DOCK8: variants seen among roughly 807,000 people sequenced by gnomAD.
DOCK8 encodes dedicator of cytokinesis protein 8.
In DOCK8, 141 loss-of-function variants were observed where a neutral mutation model predicts 245.6. That is an observed-to-expected ratio of 0.57 (90% CI 0.50 to 0.66). The LOEUF (loss-of-function observed/expected upper bound fraction) is 0.66. Among genes scored for constraint, DOCK8 ranks in the 30% least tolerant of loss-of-function variants. The probability of loss-of-function intolerance (pLI) is 0.00; values close to 1 mark genes in which losing one functional copy is unlikely to be tolerated. For missense variants in DOCK8, 2,965 were observed against 2,603.4 expected, an observed-to-expected ratio of 1.14 and a Z score of -3.02; for synonymous variants, 1,168 against 970.2, an observed-to-expected ratio of 1.20 and a Z score of -3.79.
At chr9:362,450 G>A (rs2052775195) in intron 14 of DOCK8, among the ~76,000 whole-genome samples, 1 of 152,162 alleles carries the variant, frequency 6.6e-6, no homozygotes, top group Non-Finnish European at 1.5e-5. Flanking sequence ...CTTAAAGGGT[G>A]CAGCATCTTC....
intron 23 of DOCK8, 91 bp from the exon 24 acceptor site, chr9:390,380 T>C: frequency 8.3e-7 from 1 of 1,200,718 alleles, no homozygotes; most frequent in African/African-American, 1.5e-5. Flanking sequence ...AACAAGCTAT[T>C]AAATTGGGGG....
At chr9:218,348 A>G (rs2046809784) in intron 1 of DOCK8, among the ~76,000 whole-genome samples, 1 of 152,258 alleles carries the variant, frequency 6.6e-6, no homozygotes, top group African/African-American at 2.4e-5. Flanking sequence ...AGTTCTGACC[A>G]CACCAGTCTC....
intron 11 of DOCK8, among the ~76,000 whole-genome samples, chr9:336,314 G>C (rs752982282): frequency 3.3e-5 from 5 of 152,206 alleles, no homozygotes; most frequent in African/African-American, 1.2e-4. Flanking sequence ...GACTCTTGCC[G>C]GGTGGCATTT....
chr9:440,185 A>G (rs1010693504), intron 40 of DOCK8, among the ~76,000 whole-genome samples: 11 of 151,916 alleles, frequency 7.2e-5, no homozygotes, highest in African/African-American at 2.7e-4. Context: ...CACTCGGCCA[A>G]TTTTTTGTAT....
At chr9:356,648 T>G (rs1009506904) in intron 14 of DOCK8, among the ~76,000 whole-genome samples, 1 of 152,168 alleles carries the variant, frequency 6.6e-6, no homozygotes, top group African/African-American at 2.4e-5. Flanking sequence ...TCCTAGTCAG[T>G]GATTACCCTA....
At chr9:280,168 G>T (rs1198072126) in intron 2 of DOCK8, among the ~76,000 whole-genome samples, 15 of 152,142 alleles carry the variant, frequency 9.9e-5, no homozygotes, top group Admixed American at 9.8e-4. Flanking sequence ...TGAATATTTG[G>T]TTGTGGATAA....
chr9:304,523 A>T, intron 4 of DOCK8, 58 bp from the exon 5 acceptor site: 1 of 1,609,984 alleles, frequency 6.2e-7, no homozygotes, highest in Non-Finnish European at 8.5e-7. Context: ...TTTTAATCTA[A>T]TGGTTTGCCG....
Position 420,446 on chromosome 9 carries a change from C to G in DOCK8, c.3886C>G (p.Leu1296Val). 6.2e-7 allele frequency: 1 copy of G among 1,614,168 alleles called. No individual in the cohort carries two copies. Among genetic ancestry groups the G allele is most frequent in the Non-Finnish European group, 8.5e-7 (1 of 1,180,038 alleles). The change falls in exon 31 of 48, where the codon CTC (leucine) becomes GTC (valine). Residue 1296 changes from leucine to valine, a missense_variant. Coordinates refer to ENST00000432829, the MANE Select transcript of DOCK8 (RefSeq NM_203447.4). ...GCTGAACGCGGACACTACTCGCAAC[C>G]TCATGATCTGCTTCCTCTGGATCAT... is the stretch of plus-strand genomic sequence containing the variant. ...NMLNADTTRNLMICFLWIMKN... is the reference protein window; with the variant it reads ...NMLNADTTRNVMICFLWIMKN...
At position 277,457 on chromosome 9, in the gene DOCK8, G is replaced by GAGAGAAGAGAAGAGAAGAGAAGAGA. The variant is rs143194665; in HGVS notation, c.156+5737_156+5761dup. 2.3e-3 allele frequency among the ~76,000 whole-genome samples: 304 copies of GAGAGAAGAGAAGAGAAGAGAAGAGA among 129,576 alleles called. 27 individuals are homozygous for GAGAGAAGAGAAGAGAAGAGAAGAGA. The highest frequency in any genetic ancestry group is 9.6e-3 in the African/African-American group (242 of 25,160). 85.0% of individuals were successfully genotyped at this position (129,576 alleles called of 152,430 possible). On this transcript the variant is annotated intron_variant, in intron 2 of 47. Transcript: ENST00000432829. Reference sequence around the variant, plus strand: ...AAAAGAGAAGAGAGGAGAAGAGAAAGAGAGAAGAGAAGAGAAGAGAAGAGA... The same window carrying GAGAGAAGAGAAGAGAAGAGAAGAGA: ...AAAAGAGAAGAGAGGAGAAGAGAAAGAGAGAAGAGAAGAGAAGAGAAGAGAAGAGAAGAGAAGAGAAGAGAAGAGA...
intron 6 of DOCK8, 63 bp downstream of exon 6, chr9:312,229 T>A: frequency 6.4e-7 from 1 of 1,566,038 alleles, no homozygotes; most frequent in Non-Finnish European, 8.7e-7. Flanking sequence ...ATGTGGACAA[T>A]TGTGTTGTTC....
At position 332,913 on chromosome 9, in the gene DOCK8, C is replaced by T. The variant is rs12336727; in HGVS notation, c.1125+435C>T. On this transcript the variant is annotated intron_variant, in intron 10 of 47. Coordinates refer to ENST00000432829, the MANE Select transcript of DOCK8 (RefSeq NM_203447.4). ...CCTCAAGTGATTCTCCTGCCTCAGC[C>T]TCCCAAAGTGTTGGGATTACAGGCA... Among the ~76,000 whole-genome samples, 695 of 152,188 alleles carry T rather than the reference C, an allele frequency of 4.6e-3. 3 individuals are homozygous for T. Among genetic ancestry groups the T allele is most frequent in the African/African-American group, 0.016 (650 of 41,520 alleles).
intron 14 of DOCK8, among the ~76,000 whole-genome samples, chr9:344,015 G>A (rs2051741636): frequency 6.6e-6 from 1 of 152,214 alleles, no homozygotes; most frequent in African/African-American, 2.4e-5. Context: ...AGGAGGACAA[G>A]TCTGGACGGA....
chr9:244,708 T>C (rs570081526), intron 1 of DOCK8, among the ~76,000 whole-genome samples: 1 of 152,132 alleles, frequency 6.6e-6, no homozygotes, highest in South Asian at 2.1e-4. Flanking sequence ...GCATGGTTCC[T>C]CCCTAGAGTT....
chr9:418,534 C>G (rs573500355), intron 30 of DOCK8, among the ~76,000 whole-genome samples: 1 of 152,326 alleles, frequency 6.6e-6, no homozygotes, highest in Non-Finnish European at 1.5e-5. Context: ...TCCCAAAGTG[C>G]TGGGATTACA....
chr9:227,459 C>G (rs2047014238), intron 1 of DOCK8, among the ~76,000 whole-genome samples: 1 of 152,150 alleles, frequency 6.6e-6, no homozygotes, highest in African/African-American at 2.4e-5. Flanking sequence ...TTATCTTTCT[C>G]CTATTCTAAA....
At chr9:246,470 G>T (rs2047508079) in intron 1 of DOCK8, among the ~76,000 whole-genome samples, 1 of 152,060 alleles carries the variant, frequency 6.6e-6, no homozygotes, top group African/African-American at 2.4e-5. Flanking sequence ...AGCTAAGATC[G>T]CACCACTGCA....
At chr9:417,526 A>T (rs533019794) in intron 29 of DOCK8, among the ~76,000 whole-genome samples, 1 of 152,318 alleles carries the variant, frequency 6.6e-6, no homozygotes, top group East Asian at 1.9e-4. Context: ...TACTGGTAGC[A>T]TTCTTAAAAA....
At chr9:400,387 A>ACCACC (rs1564013690) in intron 26 of DOCK8, among the ~76,000 whole-genome samples, 1 of 81,368 alleles carries the variant, frequency 1.2e-5, no homozygotes, top group African/African-American at 5.7e-5. Flanking sequence ...CACCATCACC[A>ACCACC]TCACCACCAC....
intron 25 of DOCK8, 145 bp downstream of exon 25, chr9:397,079 T>C (rs1290350967): frequency 8.9e-6 from 9 of 1,014,614 alleles, no homozygotes; most frequent in Non-Finnish European, 1.4e-6. Flanking sequence ...TATACTGGAC[T>C]GGACCCTGAT....
Sources: gnomAD v4.1 joint callset for allele counts (sites outside exome capture counted in the v4.1 genomes callset) on GRCh38, gnomAD v4.1.1 for gene constraint, MANE v1.5 for transcripts, NCBI Gene and HGNC (gene_info 2026-07-23, HGNC 2026-07-21) for gene names.